EVI5L: variants seen among roughly 807,000 people sequenced by gnomAD.
EVI5L encodes the protein EVI5-like protein.
EVI5L carries 30 observed loss-of-function variants against 106.1 expected under a neutral mutation model. The observed-to-expected ratio is 0.28, with a 90% confidence interval of 0.21 to 0.38. The LOEUF (loss-of-function observed/expected upper bound fraction) is 0.38, where lower values mean the gene tolerates loss of function less well. Ranked by LOEUF, EVI5L falls within the 10% of genes least tolerant of loss-of-function variation. The pLI, the probability that EVI5L is intolerant of heterozygous loss-of-function variation, is 1.00. For synonymous variants in EVI5L, 489 were observed against 483.3 expected (o/e 1.01, Z -0.15); for missense variants, 809 against 1,098.0 (o/e 0.74, Z 3.72).
In EVI5L at chr19:7,845,983, G is replaced by T. The variant is rs1248081188; in HGVS notation, c.-47-513G>T. Among the ~76,000 whole-genome samples, 3 of 152,214 alleles carry T rather than the reference G, an allele frequency of 2.0e-5. No homozygotes were observed. The highest frequency in any genetic ancestry group is 4.4e-5 in the Non-Finnish European group (3 of 68,034). ...TAACAGTCGAAAGTAATTGCTCTTG[G>T]CCGTGCCAGCAGCCCACTTTGGTTG... On this transcript the variant is annotated intron_variant, in intron 1 of 19. Coordinates refer to ENST00000538904, the MANE Select transcript of EVI5L (RefSeq NM_001159944.3). The surrounding 1 kb of genome is among the most constrained non-coding windows in gnomAD (Gnocchi z 4.0).
At chr19:7,853,459 G>A (rs746290066) in intron 10 of EVI5L, 126 bp downstream of exon 10, 3 of 1,328,260 alleles carry the variant, frequency 2.3e-6, no homozygotes, top group Non-Finnish European at 3.1e-6. Flanking sequence ...GCGGTCCTTG[G>A]CGGACAGGCC....
At chr19:7,836,453 G>C (rs538217274) in intron 1 of EVI5L, among the ~76,000 whole-genome samples, 24 of 152,236 alleles carry the variant, frequency 1.6e-4, no homozygotes, top group African/African-American at 5.8e-4. Context: ...CAAAGTAAAA[G>C]AATACAGACA....
rs202010597 is a variant in EVI5L, at chr19:7,862,274, G to T, written c.1797G>T (p.Thr599=). ...ELRQRVVELE[T]QDHIHRNLLN... ...GGCAGCGCGTGGTGGAACTTGAGAC[G>T]CAGGTGGACTCGGGGGGCCTGCTCG... The change falls in exon 16 of 20, where the codon ACG becomes ACT. Residue 599 remains threonine (T), a synonymous_variant. Transcript: ENST00000538904. The T allele has an allele frequency of 1.1e-3, 1,727 of 1,581,598 alleles. 20 individuals are homozygous for T. In the African/African-American group the frequency reaches 0.019, roughly 17 times the overall value.
rs186544878 is a variant in EVI5L, at chr19:7,846,279, C to T, written c.-47-217C>T. On this transcript the variant is annotated intron_variant, in intron 1 of 19. Transcript: ENST00000538904. ...GTCCTCCCATCTCCATCCAGACATC[C>T]GGCCTGATGACACAGGCAGGGATCC... Among the ~76,000 whole-genome samples the T allele has an allele frequency of 2.9e-4, 44 of 152,290 alleles. 1 individual carries two copies. The highest frequency in any genetic ancestry group is 2.6e-3 in the Admixed American group (40 of 15,300).
chr19:7,846,477 G>A lies in EVI5L; in HGVS notation c.-47-19G>A, dbSNP rs1010219904. On this transcript the variant is annotated intron_variant, in intron 1 of 19. Transcript: ENST00000538904. ...TGGGCTCCCACCCAATGCCGACCACGCATGTCTCTGGCCCCCAGACAGAGC... is the reference window on the plus strand; with the variant it reads ...TGGGCTCCCACCCAATGCCGACCACACATGTCTCTGGCCCCCAGACAGAGC... 18 of 1,532,892 alleles carry A rather than the reference G, an allele frequency of 1.2e-5. No homozygotes were observed. Among genetic ancestry groups the A allele is most frequent in the African/African-American group, 5.6e-5 (4 of 71,862 alleles). 95.0% of individuals were successfully genotyped at this position (1,532,892 alleles called of 1,614,324 possible).
At position 7,849,605 on chromosome 19, in the gene EVI5L, A is replaced by G. The variant is rs569132366; in HGVS notation, c.627+275A>G. Among the ~76,000 whole-genome samples, 18 of 152,346 alleles carry G rather than the reference A, an allele frequency of 1.2e-4. No homozygotes were observed. In the South Asian group the frequency reaches 1.7e-3, roughly 14 times the overall value. On this transcript the variant is annotated intron_variant, in intron 5 of 19. Transcript: ENST00000538904. ...TCTCTGCCACATCTCAGGGTTGGACAGGAACCTCAGGCTGGGGACTTAAGC... is the reference window on the plus strand; with the variant it reads ...TCTCTGCCACATCTCAGGGTTGGACGGGAACCTCAGGCTGGGGACTTAAGC...
chr19:7,833,509 C>T (rs1555691123), intron 1 of EVI5L, among the ~76,000 whole-genome samples: 1 of 152,190 alleles, frequency 6.6e-6, no homozygotes, highest in Non-Finnish European at 1.5e-5. Context: ...CAATGGGAGC[C>T]CGGAAAAAAA....
chr19:7,858,082 C>T lies in EVI5L; in HGVS notation c.1234-109C>T. The T allele has an allele frequency of 7.4e-7, 1 of 1,353,392 alleles. No individual in the cohort carries two copies. Among genetic ancestry groups the T allele is most frequent in the Non-Finnish European group, 1.0e-6 (1 of 999,678 alleles). The allele number at this position is 1,353,392 out of a possible 1,614,324, so 83.8% of individuals were successfully genotyped here. A position where few individuals can be genotyped will look rare whatever the true frequency, so the allele number is the denominator to read the frequency against. ...CTGAGTACGGGAGGCCCCCACCTCA[C>T]TTCCCCCCACCTCCACTCTCTGGGC... On this transcript the variant is annotated intron_variant, in intron 12 of 19. Coordinates refer to ENST00000538904, the MANE Select transcript of EVI5L (RefSeq NM_001159944.3). The surrounding 1 kb of genome is among the most constrained non-coding windows in gnomAD (Gnocchi z 5.7).
intron 1 of EVI5L, among the ~76,000 whole-genome samples, chr19:7,836,875 G>GC (rs34812751): frequency 1.3e-4 from 20 of 149,708 alleles, no homozygotes; most frequent in Non-Finnish European, 2.1e-4. Flanking sequence ...CAAGTGATCT[G>GC]CCCCCCCTCA....
chr19:7,838,169 T>C (rs1254387719), intron 1 of EVI5L, among the ~76,000 whole-genome samples: 1 of 151,942 alleles, frequency 6.6e-6, no homozygotes, highest in Admixed American at 6.6e-5. Context: ...AGTGCAGTCG[T>C]GCAATCTCGG....
chr19:7,840,122 C>T (rs1434726115), intron 1 of EVI5L, among the ~76,000 whole-genome samples: 3 of 152,162 alleles, frequency 2.0e-5, no homozygotes, highest in Non-Finnish European at 4.4e-5. Flanking sequence ...GGGCCTGCTT[C>T]TGTCAGGAAA....
Position 7,863,651 on chromosome 19 carries a change from C to T in EVI5L, c.2367C>T (p.Asp789=). The T allele has an allele frequency of 3.2e-6, 5 of 1,540,874 alleles. No individual in the cohort carries two copies. The highest frequency in any genetic ancestry group is 4.4e-6 in the Non-Finnish European group (5 of 1,144,622). ...RPAKDSEGSS[D]SDADELAAPY... The stretch of plus-strand genomic sequence containing the variant: ...CCAAGGACAGCGAGGGCAGCTCAGA[C>T]AGCGACGCCGATGAGCTGGCCGCGC... Residue 789 remains aspartate (D), a synonymous_variant, in exon 20 of 20, where the codon GAC becomes GAT. Coordinates refer to ENST00000538904, the MANE Select transcript of EVI5L (RefSeq NM_001159944.3). The surrounding 1 kb of genome is among the most constrained non-coding windows in gnomAD (Gnocchi z 7.7).
rs373064291 is a variant in EVI5L at position 7,849,150 on chromosome 19, G to A, written c.552+5G>A. The A allele has an allele frequency of 3.7e-6, 6 of 1,610,878 alleles. No individual in the cohort carries two copies. Among genetic ancestry groups the A allele is most frequent in the Non-Finnish European group, 5.1e-6 (6 of 1,178,268 alleles). On this transcript the variant is annotated splice_donor_5th_base_variant and intron_variant, in intron 4 of 19. Coordinates refer to ENST00000538904, the MANE Select transcript of EVI5L (RefSeq NM_001159944.3). ...GTCCTCTTCAACGTCATGAAGGTGA[G>A]GCCCAGGGCTCCCCGCTCCCTCGGT...
Position 7,850,156 on chromosome 19 carries a change from A to AGGGCAGGGCCACAGGT in EVI5L, c.753+45_753+60dup, listed in dbSNP as rs745348232. ...GGCCGCAGGAGAGCAGGGCTGCAGGAGGGCAGGGCCACAGGTGGGCAGGGC... is the reference window on the plus strand; with the variant it reads ...GGCCGCAGGAGAGCAGGGCTGCAGGAGGGCAGGGCCACAGGTGGGCAGGGCCACAGGTGGGCAGGGC... On this transcript the variant is annotated intron_variant, in intron 6 of 19. Transcript: ENST00000538904. The surrounding 1 kb of genome is among the most constrained non-coding windows in gnomAD (Gnocchi z 5.4). The AGGGCAGGGCCACAGGT allele has an allele frequency of 6.9e-6, 11 of 1,585,686 alleles. No individual in the cohort carries two copies. The East Asian group carries it at 1.1e-4, about 16-fold the overall frequency.
Position 7,863,102 on chromosome 19 carries a change from G to GGGGGCA in EVI5L, c.2043+39_2043+44dup. The GGGGGCA allele has an allele frequency of 4.3e-6, 3 of 702,966 alleles. No individual in the cohort carries two copies. Among genetic ancestry groups the GGGGGCA allele is most frequent in the East Asian group, 2.8e-5 (1 of 35,590 alleles). 43.5% of individuals were successfully genotyped at this position (702,966 alleles called of 1,614,324 possible). Reference sequence around the variant, plus strand: ...GGGGCCGGGGTCGGGGGGCGGGGGCGGGGGCAGGGCCCGGGGCAGGAGCGG... The same window carrying GGGGGCA: ...GGGGCCGGGGTCGGGGGGCGGGGGCGGGGGCAGGGGCAGGGCCCGGGGCAGGAGCGG... On this transcript the variant is annotated intron_variant, in intron 18 of 19. Coordinates refer to ENST00000538904, the MANE Select transcript of EVI5L (RefSeq NM_001159944.3). The surrounding 1 kb of genome is among the most constrained non-coding windows in gnomAD (Gnocchi z 7.7).
In EVI5L at chr19:7,853,137, G is replaced by A. The variant is rs919020490; in HGVS notation, c.1039G>A (p.Val347Ile). The A allele has an allele frequency of 6.2e-7, 1 of 1,614,022 alleles. No individual in the cohort carries two copies. The highest frequency in any genetic ancestry group is 8.5e-7 in the Non-Finnish European group (1 of 1,180,046). Reference sequence around the variant, plus strand: ...GTTCGACAGCTGCCCGGACAAGCTGGTCCTCAAAGCCTACCAGGTCAAGTA... The same window carrying A: ...GTTCGACAGCTGCCCGGACAAGCTGATCCTCAAAGCCTACCAGGTCAAGTA... Reference protein sequence around the residue: ...HQFDSCPDKLVLKAYQVKYNP... With the variant: ...HQFDSCPDKLILKAYQVKYNP... Residue 347 changes from valine to isoleucine, a missense_variant, in exon 9 of 20, where the codon GTC becomes ATC. Val to Ile is a conservative substitution (Grantham distance 29). Transcript: ENST00000538904.
intron 10 of EVI5L, among the ~76,000 whole-genome samples, chr19:7,853,859 G>A (rs1020897785): frequency 1.3e-5 from 2 of 152,182 alleles, no homozygotes; most frequent in Non-Finnish European, 2.9e-5. Context: ...GCACTCACCC[G>A]GGGCCCCTGG....
intron 1 of EVI5L, among the ~76,000 whole-genome samples, chr19:7,844,812 C>T (rs1290008523): frequency 6.6e-6 from 1 of 152,204 alleles, no homozygotes; most frequent in African/African-American, 2.4e-5. Flanking sequence ...GAACCAGTAG[C>T]CTTGGGGAGC....
At position 7,847,819 on chromosome 19, in the gene EVI5L, C is replaced by T; in HGVS notation, c.225C>T (p.Ala75=). Reference sequence around the variant, plus strand: ...CCTCGCTAGTGTCCAGCTCCTCGGCCTCCTCCAACCTGAGCCACCTGGAGG... The same window carrying T: ...CCTCGCTAGTGTCCAGCTCCTCGGCTTCCTCCAACCTGAGCCACCTGGAGG... The part of the protein sequence containing the change: ...SGSSLVSSSS[A]SSNLSHLEED... Residue 75 remains alanine, a synonymous_variant, in exon 3 of 20, where the codon GCC becomes GCT. Transcript: ENST00000538904. The T allele has an allele frequency of 1.2e-6, 2 of 1,611,892 alleles. No homozygotes were observed. The highest frequency in any genetic ancestry group is 1.7e-6 in the Non-Finnish European group (2 of 1,179,196).
Sources: gnomAD v4.1 joint callset for allele counts (sites outside exome capture counted in the v4.1 genomes callset) on GRCh38, gnomAD v4.1.1 for gene constraint, Gnocchi (gnomAD v3.1) non-coding constraint, MANE v1.5 for transcripts, NCBI Gene and HGNC (gene_info 2026-07-23, HGNC 2026-07-21) for gene names.